The following GREB1L variants were observed in gnomAD, a reference collection of about 807,000 sequenced individuals.
GREB1L encodes GREB1 like retinoic acid receptor coactivator.
In GREB1L, 17 loss-of-function variants were observed where a neutral mutation model predicts 200.8. That is an observed-to-expected ratio of 0.08 (90% CI 0.06 to 0.13). The LOEUF (loss-of-function observed/expected upper bound fraction) is 0.13. Ranked by LOEUF, GREB1L falls within the 10% of genes least tolerant of loss-of-function variation. The probability of loss-of-function intolerance (pLI) is 1.00; values close to 1 mark genes in which losing one functional copy is unlikely to be tolerated. For missense variants in GREB1L, 1,657 were observed against 2,367.7 expected, an observed-to-expected ratio of 0.70 and a Z score of 6.23; for synonymous variants, 789 against 893.0, an observed-to-expected ratio of 0.88 and a Z score of 2.08.
chr18:21,343,013 A>T (rs1268736237), intron 1 of GREB1L, among the ~76,000 whole-genome samples: 1 of 152,178 alleles, frequency 6.6e-6, no homozygotes, highest in Non-Finnish European at 1.5e-5. Flanking sequence ...TCTTTGAGGA[A>T]GATTTTTGAC....
At chr18:21,416,680 C>G in intron 7 of GREB1L, among the ~76,000 whole-genome samples, 1 of 137,516 alleles carries the variant, frequency 7.3e-6, no homozygotes, top group Non-Finnish European at 1.6e-5. Context: ...GCTGACAGAG[C>G]AAAACTCCAT....
intron 1 of GREB1L, among the ~76,000 whole-genome samples, chr18:21,361,512 T>C (rs2039579922): frequency 6.6e-6 from 1 of 152,098 alleles, no homozygotes; most frequent in African/African-American, 2.4e-5. Flanking sequence ...ACATTACAGC[T>C]CTGTCCAGAG....
At chr18:21,418,274 G>A (rs1182799773) in intron 7 of GREB1L, among the ~76,000 whole-genome samples, 15 of 152,046 alleles carry the variant, frequency 9.9e-5, no homozygotes, top group Admixed American at 7.2e-4. Context: ...GTATCCACAA[G>A]GGCTTGATTC....
In GREB1L at chr18:21,399,479, G is replaced by GGATA. The variant is rs1193958315; in HGVS notation, c.533-1668_533-1667insAGAT. On this transcript the variant is annotated intron_variant, in intron 5 of 32. Transcript: ENST00000424526. ...TGGATGGATGGATGGATGGATGGAT[G>GGATA]GATGGATGGATGGATAGATGGATGG... Among the ~76,000 whole-genome samples, 32 of 151,774 alleles carry GGATA rather than the reference G, an allele frequency of 2.1e-4. No individual in the cohort carries two copies. The East Asian group carries it at 6.0e-3, about 28-fold the overall frequency.
intron 7 of GREB1L, among the ~76,000 whole-genome samples, chr18:21,430,076 C>T (rs2033018509): frequency 6.6e-6 from 1 of 151,948 alleles, no homozygotes; most frequent in Admixed American, 6.6e-5. Flanking sequence ...TTAAGGACAC[C>T]AGTCCTTAAA....
intron 17 of GREB1L, among the ~76,000 whole-genome samples, chr18:21,482,350 C>T (rs1198422602): frequency 2.0e-5 from 3 of 152,202 alleles, no homozygotes; most frequent in Non-Finnish European, 2.9e-5. Context: ...CTCTGCCTCC[C>T]GGGTTCAAGC....
intron 15 of GREB1L, among the ~76,000 whole-genome samples, chr18:21,457,117 G>T (rs369751038): frequency 6.6e-6 from 1 of 152,130 alleles, no homozygotes; most frequent in African/African-American, 2.4e-5. Context: ...ATAAATGCAA[G>T]CTCCTAAATA....
chr18:21,438,108 A>G (rs1346328359), intron 7 of GREB1L, among the ~76,000 whole-genome samples: 1 of 151,948 alleles, frequency 6.6e-6, no homozygotes, highest in Non-Finnish European at 1.5e-5. Context: ...CTGTCTCTAC[A>G]GAAAAAAATA....
chr18:21,351,653 A>C (rs1478259643), intron 1 of GREB1L, among the ~76,000 whole-genome samples: 1 of 151,974 alleles, frequency 6.6e-6, no homozygotes, highest in Admixed American at 6.6e-5. Context: ...AAAGGAATAG[A>C]TATTACATTC....
At chr18:21,496,789 C>A in intron 21 of GREB1L, 91 bp downstream of exon 21, 1 of 1,413,870 alleles carries the variant, frequency 7.1e-7, no homozygotes, top group Non-Finnish European at 9.5e-7. Context: ...ACTGACACCC[C>A]AACGGCCTTC....
At chr18:21,428,691 G>C (rs970664342) in intron 7 of GREB1L, among the ~76,000 whole-genome samples, 1 of 145,578 alleles carries the variant, frequency 6.9e-6, no homozygotes, top group African/African-American at 2.6e-5. Context: ...GAGTGCAATG[G>C]CATGATCGCG....
intron 15 of GREB1L, among the ~76,000 whole-genome samples, chr18:21,470,165 G>C (rs939574276): frequency 1.3e-5 from 2 of 151,930 alleles, no homozygotes; most frequent in African/African-American, 4.8e-5. Flanking sequence ...GCACATGCCT[G>C]CAGGCCCAGC....
rs55641891 is a variant in GREB1L, at chr18:21,525,012, G to GTGTGTATATATATATATATATATATA, written c.*2192_*2193insGTGTATATATATATATATATATATAT. ...AAGCACAGGACACCATGATTTGTGT[G>GTGTGTATATATATATATATATATATA]TATATATATATATATCCTAGTGTGT... On this transcript the variant is annotated 3_prime_UTR_variant, in exon 33 of 33. Coordinates refer to ENST00000424526, the MANE Select transcript of GREB1L (RefSeq NM_001142966.3). 2.8e-5 allele frequency: 4 copies of GTGTGTATATATATATATATATATATA among 145,122 alleles called. No homozygotes were observed. Among genetic ancestry groups the GTGTGTATATATATATATATATATATA allele is most frequent in the African/African-American group, 5.0e-5 (2 of 40,128 alleles). 9.0% of individuals were successfully genotyped at this position (145,122 alleles called of 1,614,324 possible).
At chr18:21,306,865 G>T (rs1423860847) in intron 1 of GREB1L, among the ~76,000 whole-genome samples, 1 of 152,184 alleles carries the variant, frequency 6.6e-6, no homozygotes. Flanking sequence ...TCTTTCCCTT[G>T]CTGCTCTTTG....
At chr18:21,514,420 C>T (rs1238464630) in intron 28 of GREB1L, among the ~76,000 whole-genome samples, 1 of 152,154 alleles carries the variant, frequency 6.6e-6, no homozygotes, top group Admixed American at 6.5e-5. Context: ...GAGGCTGAGG[C>T]AAGAGAATCA....
At chr18:21,280,382 CCTTT>C (rs1390981123) in intron 1 of GREB1L, among the ~76,000 whole-genome samples, 1 of 151,530 alleles carries the variant, frequency 6.6e-6, no homozygotes, top group African/African-American at 2.4e-5. Context: ...CTTAATATCT[CCTTT>C]CTTTCTTTTT....
rs868487984 is a variant in GREB1L at position 21,449,800 on chromosome 18, A to C, written c.1684A>C (p.Lys562Gln). The change falls in exon 12 of 33, where the codon AAA becomes CAA. Residue 562 changes from lysine (K) to glutamine (Q), a missense_variant. Around this residue, in one of 9 missense-constraint regions of GREB1L, gnomAD observed 239 missense variants for 421.8 expected, o/e 0.57. Transcript: ENST00000424526. Reference sequence around the variant, plus strand: ...TTATGTGGTGGTAATTTGTGCATCGAAAATCAGAGGAAATGAATTTTGTGT... The same window carrying C: ...TTATGTGGTGGTAATTTGTGCATCGCAAATCAGAGGAAATGAATTTTGTGT... ...PDYVVVICAS[K>Q]IRGNEFCVVV... 6.5e-7 allele frequency: 1 copy of C among 1,542,232 alleles called. No homozygotes were observed. The highest frequency in any genetic ancestry group is 2.5e-5 in the East Asian group (1 of 40,694).
chr18:21,416,348 A>C (rs1035316805), intron 7 of GREB1L, among the ~76,000 whole-genome samples: 4 of 152,150 alleles, frequency 2.6e-5, no homozygotes, highest in African/African-American at 9.7e-5. Context: ...GGTGTGGGAG[A>C]CAAAATATGT....
In GREB1L at chr18:21,518,704, G is replaced by C. The variant is rs995116354; in HGVS notation, c.5472+470G>C. Among the ~76,000 whole-genome samples the C allele has an allele frequency of 3.3e-5, 5 of 152,104 alleles. No homozygotes were observed. In the East Asian group the frequency reaches 5.8e-4, roughly 18 times the overall value. The stretch of plus-strand genomic sequence containing the variant: ...ACGTAAGAGGAGCTCAGTGATTACC[G>C]AACAAATAAATGTGTATCACCTGAA... On this transcript the variant is annotated intron_variant, in intron 31 of 32. Transcript: ENST00000424526.
Sources: allele counts gnomAD v4.1 joint callset (sites outside exome capture counted in the v4.1 genomes callset), GRCh38; gene constraint gnomAD v4.1.1; regional missense constraint gnomAD v4.1.1; transcripts MANE v1.5; gene names NCBI Gene and HGNC (gene_info 2026-07-23, HGNC 2026-07-21).